The following ENOX2 variants were observed in gnomAD, a reference collection of about 807,000 sequenced individuals.
ENOX2 encodes the protein ecto-NOX disulfide-thiol exchanger 2.
Under a neutral mutation model 45.0 loss-of-function variants are expected in ENOX2, and 36 were observed. That is an observed-to-expected ratio of 0.80 (90% CI 0.61 to 1.06). The LOEUF (loss-of-function observed/expected upper bound fraction) is 1.06. ENOX2 is among the 50% of genes least tolerant of loss of function. ENOX2 has a pLI of 0.00. For synonymous variants in ENOX2, 174 were observed against 152.3 expected, an observed-to-expected ratio of 1.14 and a Z score of -1.05; for missense variants, 423 against 462.5, an observed-to-expected ratio of 0.91 and a Z score of 0.78.
chrX:130,807,035 T>C (rs905819385), intron 2 of ENOX2, among the ~76,000 whole-genome samples: 5 of 112,003 alleles, frequency 4.5e-5, no homozygotes, highest in Admixed American at 9.5e-5. Flanking sequence ...AGCATGCTAC[T>C]TCTCCTAACT....
chrX:130,783,288 CA>C (rs1432482305), intron 3 of ENOX2, among the ~76,000 whole-genome samples: 1 of 112,156 alleles, frequency 8.9e-6, no homozygotes, highest in East Asian at 2.8e-4. Context: ...AACTCTTCCT[CA>C]TTTGTGCTCT....
intron 2 of ENOX2, among the ~76,000 whole-genome samples, chrX:130,837,285 A>T (rs2077945068): frequency 9.0e-6 from 1 of 111,698 alleles, no homozygotes; most frequent in African/African-American, 3.3e-5. Context: ...GCATTAACTT[A>T]TACTTCTCCT....
At chrX:130,697,135 T>C (rs953487588) in intron 4 of ENOX2, among the ~76,000 whole-genome samples, 5 of 111,813 alleles carry the variant, frequency 4.5e-5, no homozygotes, top group Non-Finnish European at 9.4e-5. Flanking sequence ...TGTATACCCT[T>C]GCATACCTTC....
At chrX:130,881,655 C>T (rs756893276) in intron 2 of ENOX2, among the ~76,000 whole-genome samples, 3 of 111,802 alleles carry the variant, frequency 2.7e-5, no homozygotes, top group South Asian at 7.5e-4. Flanking sequence ...AATATGTGTA[C>T]ATAGGCAAGC....
intron 2 of ENOX2, among the ~76,000 whole-genome samples, chrX:130,835,847 C>T (rs1226835498): frequency 1.8e-5 from 2 of 112,480 alleles, no homozygotes; most frequent in Admixed American, 9.4e-5. Context: ...TTTGCCTTTG[C>T]AGATAACTTA....
intron 10 of ENOX2, among the ~76,000 whole-genome samples, chrX:130,652,598 T>A (rs760109559): frequency 8.9e-6 from 1 of 112,369 alleles, no homozygotes; most frequent in African/African-American, 3.2e-5. Flanking sequence ...CTGTTATGGT[T>A]TGAATTGTGT....
intron 2 of ENOX2, among the ~76,000 whole-genome samples, chrX:130,861,765 G>A (rs1173846934): frequency 1.8e-5 from 2 of 110,438 alleles, no homozygotes; most frequent in African/African-American, 6.6e-5. Context: ...TTGCTAAGGG[G>A]GTAGATCTTA....
At position 130,693,424 on chromosome X, in the gene ENOX2, G is replaced by A. The variant is rs555812439; in HGVS notation, c.98-4406C>T. 5.4e-5 allele frequency among the ~76,000 whole-genome samples: 6 copies of A among 111,760 alleles called. No homozygotes were observed. In the South Asian group the frequency reaches 2.3e-3, roughly 42 times the overall value. On this transcript the variant is annotated intron_variant, in intron 4 of 14. Coordinates refer to ENST00000394363, the MANE Select transcript of ENOX2 (RefSeq NM_006375.4). The stretch of plus-strand genomic sequence containing the variant: ...TGGATATTGTTATCCTTCATTTTAT[G>A]GATAAAGAAGTTGAGGTTCAAGGGG...
intron 2 of ENOX2, among the ~76,000 whole-genome samples, chrX:130,855,927 T>C (rs1451408667): frequency 8.9e-6 from 1 of 111,741 alleles, no homozygotes; most frequent in Non-Finnish European, 1.9e-5. Context: ...AAGAGATATT[T>C]CATAAGGATG....
At chrX:130,848,772 G>C (rs192733819) in intron 2 of ENOX2, among the ~76,000 whole-genome samples, 67 of 111,144 alleles carry the variant, frequency 6.0e-4, no homozygotes, top group Middle Eastern at 4.6e-3. Context: ...CTCCAGCCTG[G>C]GCGACAGAGT....
intron 3 of ENOX2, among the ~76,000 whole-genome samples, chrX:130,735,860 T>G (rs2038848086): frequency 9.0e-6 from 1 of 111,231 alleles, no homozygotes; most frequent in African/African-American, 3.3e-5. Context: ...GTGAAAAAAA[T>G]CAGGCTACAG....
intron 2 of ENOX2, among the ~76,000 whole-genome samples, chrX:130,833,056 A>AC (rs759746444): frequency 8.7e-4 from 80 of 91,965 alleles, no homozygotes; most frequent in African/African-American, 3.3e-3. Context: ...CACACACACA[A>AC]ACAGCACTGA....
chrX:130,822,791 GA>G (rs951781291), intron 2 of ENOX2, among the ~76,000 whole-genome samples: 13 of 109,728 alleles, frequency 1.2e-4, no homozygotes, highest in East Asian at 2.8e-4. Context: ...AATAAAAAAA[GA>G]AAAAAAAAGA....
At chrX:130,801,267 G>A (rs185297454) in intron 2 of ENOX2, among the ~76,000 whole-genome samples, 34 of 112,069 alleles carry the variant, frequency 3.0e-4, no homozygotes, top group African/African-American at 1.1e-3. Flanking sequence ...TCCTTATGGT[G>A]GGGGAAGGGG....
At chrX:130,781,145 C>T (rs1231144876) in intron 3 of ENOX2, among the ~76,000 whole-genome samples, 2 of 111,815 alleles carry the variant, frequency 1.8e-5, no homozygotes, top group Non-Finnish European at 3.8e-5. Flanking sequence ...ATAAATTATA[C>T]AATTATAAAA....
intron 6 of ENOX2, among the ~76,000 whole-genome samples, chrX:130,671,516 G>A (rs1312110838): frequency 2.7e-5 from 3 of 111,720 alleles, no homozygotes; most frequent in Non-Finnish European, 3.8e-5. Flanking sequence ...AGTTCATAAG[G>A]CAGAGTACCA....
intron 2 of ENOX2, among the ~76,000 whole-genome samples, chrX:130,885,021 T>A (rs1386773055): frequency 8.9e-6 from 1 of 112,259 alleles, no homozygotes; most frequent in Non-Finnish European, 1.9e-5. Context: ...CCCCAAAATT[T>A]CACAAAGCTC....
chrX:130,641,060 T>C (rs1350424679), intron 10 of ENOX2, among the ~76,000 whole-genome samples: 2 of 111,607 alleles, frequency 1.8e-5, no homozygotes, highest in East Asian at 5.6e-4. Context: ...TTTGAAGCAA[T>C]AATGACTGAG....
intron 2 of ENOX2, among the ~76,000 whole-genome samples, chrX:130,835,831 G>C (rs2077919576): frequency 8.9e-6 from 1 of 112,158 alleles, no homozygotes; most frequent in Non-Finnish European, 1.9e-5. Context: ...AAATTACCAT[G>C]AATGTTTTGC....
Sources: allele counts gnomAD v4.1 joint callset (sites outside exome capture counted in the v4.1 genomes callset), GRCh38; gene constraint gnomAD v4.1.1; transcripts MANE v1.5; gene names NCBI Gene and HGNC (gene_info 2026-07-23, HGNC 2026-07-21).